Variants in VAV3 observed in about 807,000 individuals in gnomAD.
The protein encoded by VAV3 is vav guanine nucleotide exchange factor 3.
In VAV3, 94 loss-of-function variants were observed where a neutral mutation model predicts 131.2. The observed-to-expected ratio is 0.72, with a 90% confidence interval of 0.61 to 0.85. The LOEUF (loss-of-function observed/expected upper bound fraction) is 0.85, where lower values mean the gene tolerates loss of function less well. VAV3 is among the 40% of genes least tolerant of loss of function. The probability of loss-of-function intolerance (pLI) is 0.00; values close to 1 mark genes in which losing one functional copy is unlikely to be tolerated. For missense variants in VAV3, 939 were observed against 1,002.7 expected, an observed-to-expected ratio of 0.94 and a Z score of 0.86; for synonymous variants, 349 against 342.0, an observed-to-expected ratio of 1.02 and a Z score of -0.22.
At chr1:107,640,282 C>A (rs766254287) in intron 20 of VAV3, among the ~76,000 whole-genome samples, 1 of 151,860 alleles carries the variant, frequency 6.6e-6, no homozygotes, top group African/African-American at 2.4e-5. Flanking sequence ...CGATAATCAG[C>A]GATAAAAAGA....
chr1:107,689,029 C>T (rs1174391320), intron 17 of VAV3, among the ~76,000 whole-genome samples: 1 of 152,078 alleles, frequency 6.6e-6, no homozygotes, highest in Admixed American at 6.6e-5. Context: ...TCCTTCATTA[C>T]ATTTCAGGCC....
At chr1:107,622,973 G>A (rs1653719896) in intron 20 of VAV3, among the ~76,000 whole-genome samples, 1 of 152,118 alleles carries the variant, frequency 6.6e-6, no homozygotes. Context: ...GTGAGGACAT[G>A]CAATAAAAGA....
chr1:107,694,700 T>C (rs1252523831), intron 17 of VAV3, among the ~76,000 whole-genome samples: 2 of 152,176 alleles, frequency 1.3e-5, no homozygotes, highest in African/African-American at 4.8e-5. Flanking sequence ...GATTCTAAGA[T>C]TATAGTGATC....
intron 21 of VAV3, 95 bp downstream of exon 21, chr1:107,617,472 C>T (rs1653246961): frequency 1.1e-6 from 1 of 946,106 alleles, no homozygotes; most frequent in South Asian, 2.0e-5. Context: ...AAATTAATAA[C>T]TGACCTGGCC....
intron 10 of VAV3, among the ~76,000 whole-genome samples, chr1:107,759,536 C>T (rs541007241): frequency 6.6e-6 from 1 of 152,166 alleles, no homozygotes; most frequent in South Asian, 2.1e-4. Flanking sequence ...AATTTTACTC[C>T]ATAGAATTTT....
At chr1:107,888,431 GCTT>G (rs543900833) in intron 1 of VAV3, among the ~76,000 whole-genome samples, 108 of 152,230 alleles carry the variant, frequency 7.1e-4, no homozygotes, top group African/African-American at 2.5e-3. Context: ...CTTTCAGCAG[GCTT>G]CTTCTCTACC....
chr1:107,689,044 A>C (rs1659234533), intron 17 of VAV3, among the ~76,000 whole-genome samples: 1 of 152,174 alleles, frequency 6.6e-6, no homozygotes, highest in African/African-American at 2.4e-5. Flanking sequence ...CAGGCCCTGC[A>C]AATGCCTAAT....
chr1:107,606,378 G>A (rs1015729004), intron 22 of VAV3, among the ~76,000 whole-genome samples: 14 of 152,028 alleles, frequency 9.2e-5, no homozygotes, highest in African/African-American at 3.4e-4. Flanking sequence ...AATTCTTTCT[G>A]TATTCTCTAT....
At chr1:107,618,096 A>G (rs1653301842) in intron 20 of VAV3, among the ~76,000 whole-genome samples, 1 of 152,076 alleles carries the variant, frequency 6.6e-6, no homozygotes, top group Non-Finnish European at 1.5e-5. Context: ...CTGCGCTCCT[A>G]TGAGAATCTA....
chr1:107,861,444 C>T (rs1476406518), intron 2 of VAV3, among the ~76,000 whole-genome samples: 1 of 151,492 alleles, frequency 6.6e-6, no homozygotes, highest in Non-Finnish European at 1.5e-5. Flanking sequence ...TTCCCAAAAG[C>T]CTAAGGCTAT....
chr1:107,609,986 A>G, intron 21 of VAV3, 21 bp from the exon 22 acceptor site: 1 of 1,612,414 alleles, frequency 6.2e-7, no homozygotes, highest in Non-Finnish European at 8.5e-7. Flanking sequence ...AAAAAGCAAA[A>G]ACAGATTAAG....
chr1:107,875,105 G>T (rs993943760), intron 1 of VAV3, 88 bp from the exon 2 acceptor site: 118 of 1,143,898 alleles, frequency 1.0e-4, no homozygotes, highest in South Asian at 3.0e-4. Context: ...CTCTAAAAAT[G>T]ACAAGAAAGC....
intron 19 of VAV3, among the ~76,000 whole-genome samples, chr1:107,643,198 T>C (rs1201979313): frequency 6.6e-6 from 1 of 152,186 alleles, no homozygotes; most frequent in East Asian, 1.9e-4. Flanking sequence ...GCCCAGTATA[T>C]GGATCATATC....
chr1:107,821,862 TA>T lies in VAV3; in HGVS notation c.322-42371del, dbSNP rs542354267. On this transcript the variant is annotated intron_variant, in intron 2 of 26. Transcript: ENST00000370056. ...TCCAATTAACAAGAGCAAGGTCTCGTATAAAGAAAGTGATTTATTCCAAAGC... is the reference window on the plus strand; with the variant it reads ...TCCAATTAACAAGAGCAAGGTCTCGTTAAAGAAAGTGATTTATTCCAAAGC... Among the ~76,000 whole-genome samples the T allele has an allele frequency of 7.9e-5, 12 of 152,344 alleles. No individual in the cohort carries two copies. The East Asian group carries it at 2.3e-3, about 29-fold the overall frequency.
chr1:107,919,460 G>A (rs577523945), intron 1 of VAV3, among the ~76,000 whole-genome samples: 1 of 152,254 alleles, frequency 6.6e-6, no homozygotes, highest in South Asian at 2.1e-4. Flanking sequence ...TAAAACCCTG[G>A]ATAAATCAGA....
At chr1:107,602,970 G>T (rs1651982247) in intron 23 of VAV3, 77 bp downstream of exon 23, 2 of 1,183,770 alleles carry the variant, frequency 1.7e-6, no homozygotes, top group Admixed American at 1.8e-5. Flanking sequence ...TTCACCTTCA[G>T]TGTTATACAT....
intron 2 of VAV3, among the ~76,000 whole-genome samples, chr1:107,827,819 T>C (rs1352447763): frequency 1.3e-5 from 2 of 152,218 alleles, no homozygotes; most frequent in Admixed American, 6.5e-5. Context: ...AAGGACCTTA[T>C]GAGAAGTCAG....
chr1:107,860,073 G>A (rs79566197), intron 2 of VAV3, among the ~76,000 whole-genome samples: 12,798 of 152,060 alleles, frequency 0.084, 772 homozygotes, highest in East Asian at 0.23. Flanking sequence ...CAAAAATAGC[G>A]GTATATAAGT....
intron 1 of VAV3, among the ~76,000 whole-genome samples, chr1:107,924,555 C>CA (rs984805494): frequency 2.0e-5 from 3 of 152,112 alleles, no homozygotes; most frequent in Non-Finnish European, 4.4e-5. Flanking sequence ...ATACCACCAC[C>CA]AAAAATATCT....
Sources: gnomAD v4.1 joint callset for allele counts (sites outside exome capture counted in the v4.1 genomes callset) on GRCh38, gnomAD v4.1.1 for gene constraint, MANE v1.5 for transcripts, NCBI Gene and HGNC (gene_info 2026-07-23, HGNC 2026-07-21) for gene names.